MYCBP2: variants seen among roughly 807,000 people sequenced by gnomAD.
MYCBP2 encodes MYC binding protein 2.
In MYCBP2, 120 loss-of-function variants were observed where a neutral mutation model predicts 525.3. The ratio of observed to expected loss-of-function variants is 0.23; its 90% CI spans 0.20 to 0.27. The LOEUF (loss-of-function observed/expected upper bound fraction) is 0.27, where lower values mean the gene tolerates loss of function less well. MYCBP2 is among the 10% of genes least tolerant of loss of function. The probability of loss-of-function intolerance (pLI) is 1.00; values close to 1 mark genes in which losing one functional copy is unlikely to be tolerated. For synonymous variants in MYCBP2, 1,894 were observed against 1,955.8 expected (o/e 0.97, Z 0.83); for missense variants, 4,149 against 5,657.1 (o/e 0.73, Z 8.55).
chr13:77,326,250 C>T lies in MYCBP2; in HGVS notation c.302+224G>A, dbSNP rs1274324870. Among the ~76,000 whole-genome samples the T allele has an allele frequency of 2.2e-5, 3 of 138,000 alleles. No homozygotes were observed. The highest frequency in any genetic ancestry group is 9.2e-5 in the African/African-American group (3 of 32,454). 90.5% of individuals were successfully genotyped at this position (138,000 alleles called of 152,430 possible). A position where few individuals can be genotyped will look rare whatever the true frequency, so the allele number is the denominator to read the frequency against. The stretch of plus-strand genomic sequence containing the variant: ...CCACATAGGCAGGCAGACACACACA[C>T]ACACACACACACACACACACACACA... On this transcript the variant is annotated intron_variant, in intron 1 of 82. Coordinates refer to ENST00000544440, the MANE Select transcript of MYCBP2 (RefSeq NM_015057.5). The surrounding 1 kb of genome is among the most constrained non-coding windows in gnomAD (Gnocchi z 4.2).
intron 46 of MYCBP2, among the ~76,000 whole-genome samples, chr13:77,153,280 C>T (rs2056763141): frequency 6.6e-6 from 1 of 152,110 alleles, no homozygotes; most frequent in Admixed American, 6.5e-5. Context: ...TTGTGACACA[C>T]TCCTAGATGC....
intron 58 of MYCBP2, 44 bp downstream of exon 58, chr13:77,095,314 G>C: frequency 6.2e-7 from 1 of 1,605,626 alleles, no homozygotes; most frequent in Non-Finnish European, 8.5e-7. Flanking sequence ...AACAATCGCT[G>C]TTAATCCAAA....
intron 15 of MYCBP2, among the ~76,000 whole-genome samples, chr13:77,248,826 G>C (rs377372455): frequency 2.2e-4 from 33 of 152,242 alleles, no homozygotes; most frequent in East Asian, 1.9e-3. Flanking sequence ...TCTTCACAGC[G>C]CATTACTCAC....
chr13:77,240,113 A>G (rs1169758863), intron 17 of MYCBP2, among the ~76,000 whole-genome samples: 1 of 152,196 alleles, frequency 6.6e-6, no homozygotes, highest in African/African-American at 2.4e-5. Flanking sequence ...TCTTATAAAA[A>G]TTTGTTTTTA....
intron 49 of MYCBP2, 168 bp downstream of exon 49, chr13:77,144,277 T>C (rs1007145690): frequency 5.0e-6 from 3 of 598,540 alleles, no homozygotes; most frequent in Middle Eastern, 4.2e-4. Flanking sequence ...TACAAAATGT[T>C]AATGCACTAA....
intron 76 of MYCBP2, among the ~76,000 whole-genome samples, chr13:77,060,110 G>T (rs1426080385): frequency 6.6e-6 from 1 of 151,928 alleles, no homozygotes; most frequent in African/African-American, 2.4e-5. Flanking sequence ...AATTTGAAAA[G>T]GAATTTAAAT....
intron 40 of MYCBP2, among the ~76,000 whole-genome samples, chr13:77,167,626 A>ATTAAATTGT (rs1410294751): frequency 6.6e-6 from 1 of 152,238 alleles, no homozygotes; most frequent in Non-Finnish European, 1.5e-5. Flanking sequence ...GTTTGCAGAC[A>ATTAAATTGT]TTAAATTGTT....
At chr13:77,248,839 T>C (rs767237721) in intron 15 of MYCBP2, among the ~76,000 whole-genome samples, 5 of 152,204 alleles carry the variant, frequency 3.3e-5, no homozygotes, top group African/African-American at 1.2e-4. Context: ...TTACTCACAA[T>C]AGTTACAATG....
intron 82 of MYCBP2, among the ~76,000 whole-genome samples, chr13:77,050,636 G>A (rs2036594118): frequency 6.6e-6 from 1 of 150,446 alleles, no homozygotes; most frequent in Non-Finnish European, 1.5e-5. Flanking sequence ...TTATGGCAAC[G>A]GTTCCAGGCT....
At chr13:77,136,926 C>A (rs1253050496) in intron 52 of MYCBP2, among the ~76,000 whole-genome samples, 1 of 152,158 alleles carries the variant, frequency 6.6e-6, no homozygotes, top group Non-Finnish European at 1.5e-5. Flanking sequence ...TCTTTAATTT[C>A]TCCCTTTTTC....
At chr13:77,054,624 AG>A (rs1328258018) in intron 80 of MYCBP2, among the ~76,000 whole-genome samples, 1 of 150,268 alleles carries the variant, frequency 6.7e-6, no homozygotes, top group Non-Finnish European at 1.5e-5. Context: ...TTTTTGAGAC[AG>A]GGTCTCACTA....
rs151327482 is a variant in MYCBP2, at chr13:77,176,618, G to A, written c.5351C>T (p.Ala1784Val). The A allele has an allele frequency of 6.5e-7, 1 of 1,536,820 alleles. No homozygotes were observed. The highest frequency in any genetic ancestry group is 8.8e-7 in the Non-Finnish European group (1 of 1,137,446). ...TCTGTGGGAATGAGTTGAATCTCCTGCATGTTCACTCTAAAAAAAAAAAAT... is the reference window on the plus strand; with the variant it reads ...TCTGTGGGAATGAGTTGAATCTCCTACATGTTCACTCTAAAAAAAAAAAAT... ...LEVLVDDSEH[A>V]GDSTHSHRWT... The change falls in exon 36 of 83, where the codon GCA (alanine) becomes GTA (valine). Residue 1784 changes from alanine to valine, a missense_variant. Physicochemically the swap from Ala to Val is moderately conservative, Grantham distance 64. This residue lies in a region of MYCBP2 where 109 missense variants were observed against 118.9 expected (regional missense o/e 0.92). Coordinates refer to ENST00000544440, the MANE Select transcript of MYCBP2 (RefSeq NM_015057.5).
At chr13:77,236,597 A>C (rs1225462935) in intron 17 of MYCBP2, among the ~76,000 whole-genome samples, 1 of 152,234 alleles carries the variant, frequency 6.6e-6, no homozygotes, top group Non-Finnish European at 1.5e-5. Context: ...GTAATTAAAA[A>C]CTATAATACA....
chr13:77,070,619 C>T lies in MYCBP2; in HGVS notation c.11904+12G>A, dbSNP rs1420504537. 1.9e-6 allele frequency: 3 copies of T among 1,582,666 alleles called. No homozygotes were observed. The African/African-American group carries it at 4.1e-5, about 21-fold the overall frequency. On this transcript the variant is annotated intron_variant, in intron 69 of 82. Coordinates refer to ENST00000544440, the MANE Select transcript of MYCBP2 (RefSeq NM_015057.5). Reference sequence around the variant, plus strand: ...AAAACTAATGAAGACAATGAAATAGCTGTTAACCAACCTGTTTTTGTAAGT... The same window carrying T: ...AAAACTAATGAAGACAATGAAATAGTTGTTAACCAACCTGTTTTTGTAAGT...
chr13:77,108,298 G>A (rs2154141370), intron 55 of MYCBP2, among the ~76,000 whole-genome samples: 1 of 152,256 alleles, frequency 6.6e-6, no homozygotes, highest in African/African-American at 2.4e-5. Context: ...TAGTAAATAT[G>A]GTTAAGGAAA....
chr13:77,326,676 G>T lies in MYCBP2; in HGVS notation c.100C>A (p.Pro34Thr). 1 of 1,462,580 alleles carries T rather than the reference G, an allele frequency of 6.8e-7. No homozygotes were observed. The allele number at this position is 1,462,580 out of a possible 1,614,324, so 90.6% of individuals were successfully genotyped here. A position where few individuals can be genotyped will look rare whatever the true frequency, so the allele number is the denominator to read the frequency against. Residue 34 changes from proline (P) to threonine (T), a missense_variant, in exon 1 of 83, where the codon CCG becomes ACG. By Grantham distance (38) the Pro-to-Thr change is conservative (BLOSUM62 -1). Around this residue, in one of 21 missense-constraint regions of MYCBP2, gnomAD observed 413 missense variants for 451.2 expected, o/e 0.92. Transcript: ENST00000544440. This position sits in a 1 kb window ranked among gnomAD's most constrained non-coding sequence, Gnocchi z 4.2. ...PAATFSSSPA[P>T]GALFMPVPDG... The stretch of plus-strand genomic sequence containing the variant: ...GGAACCGGCATGAACAGCGCCCCCG[G>T]CGCCGGGGAGGAAGAGAAGGTGGCG...
At chr13:77,056,355 T>C (rs930061987) in intron 79 of MYCBP2, among the ~76,000 whole-genome samples, 4 of 152,152 alleles carry the variant, frequency 2.6e-5, no homozygotes, top group Non-Finnish European at 5.9e-5. Flanking sequence ...CTACCCTTTA[T>C]ATTAGTTTGC....
intron 23 of MYCBP2, among the ~76,000 whole-genome samples, chr13:77,210,399 A>G (rs567021980): frequency 1.6e-3 from 243 of 152,056 alleles, no homozygotes; most frequent in Non-Finnish European, 1.4e-3. Flanking sequence ...TCACTGTGTT[A>G]GCCAGGATGG....
At chr13:77,241,055 T>C (rs2068746620) in intron 17 of MYCBP2, among the ~76,000 whole-genome samples, 1 of 152,208 alleles carries the variant, frequency 6.6e-6, no homozygotes, top group Non-Finnish European at 1.5e-5. Flanking sequence ...CCTCAATCTA[T>C]CTTTGGAAAG....
Sources: gnomAD v4.1 joint callset for allele counts (sites outside exome capture counted in the v4.1 genomes callset) on GRCh38, gnomAD v4.1.1 for gene constraint, gnomAD v4.1.1 regional missense constraint, Gnocchi (gnomAD v3.1) non-coding constraint, MANE v1.5 for transcripts, NCBI Gene and HGNC (gene_info 2026-07-23, HGNC 2026-07-21) for gene names.